The following CTNNA3 variants were observed in gnomAD, a reference collection of about 807,000 sequenced individuals.
The protein encoded by CTNNA3 is catenin alpha-3.
In CTNNA3, 76 loss-of-function variants were observed where a neutral mutation model predicts 95.7. The ratio of observed to expected loss-of-function variants is 0.79; its 90% CI spans 0.66 to 0.96. The LOEUF (loss-of-function observed/expected upper bound fraction) is 0.96, where lower values mean the gene tolerates loss of function less well. Ranked by LOEUF, CTNNA3 falls within the 40% of genes least tolerant of loss-of-function variation. The pLI is 0.00. For missense variants in CTNNA3, 1,191 were observed against 1,089.8 expected, an observed-to-expected ratio of 1.09 and a Z score of -1.31; for synonymous variants, 431 against 374.4, an observed-to-expected ratio of 1.15 and a Z score of -1.74.
intron 9 of CTNNA3, among the ~76,000 whole-genome samples, chr10:66,686,820 C>T (rs1264136438): frequency 6.6e-6 from 1 of 152,080 alleles, no homozygotes; most frequent in Admixed American, 6.6e-5. Context: ...TGAAAAAATA[C>T]CTGTATGAAG....
At chr10:66,908,218 T>A (rs1355856753) in intron 7 of CTNNA3, among the ~76,000 whole-genome samples, 1 of 152,196 alleles carries the variant, frequency 6.6e-6, no homozygotes, top group African/African-American at 2.4e-5. Context: ...GATCTTGTTA[T>A]GAGATGAAAA....
chr10:66,360,849 CTTTCTTTCCTTT>C (rs2092666877), intron 12 of CTNNA3, among the ~76,000 whole-genome samples: 1 of 112,410 alleles, frequency 8.9e-6, no homozygotes, highest in African/African-American at 3.6e-5. Context: ...TTCTTTCTTT[CTTTCTTTCCTTT>C]CTCTTTCTTT....
At chr10:66,791,190 C>A (rs1840951930) in intron 7 of CTNNA3, among the ~76,000 whole-genome samples, 1 of 152,144 alleles carries the variant, frequency 6.6e-6, no homozygotes, top group South Asian at 2.1e-4. Context: ...TTTAAAACTC[C>A]ATTTAAAACC....
intron 7 of CTNNA3, among the ~76,000 whole-genome samples, chr10:66,813,273 C>T (rs1841951177): frequency 6.6e-6 from 1 of 152,184 alleles, no homozygotes; most frequent in African/African-American, 2.4e-5. Flanking sequence ...ATCCTGTCAG[C>T]TGCGTCTTTG....
Position 67,115,915 on chromosome 10 carries a change from T to G in CTNNA3, c.1047+64402A>C, listed in dbSNP as rs574075514. On this transcript the variant is annotated intron_variant, in intron 7 of 17. Transcript: ENST00000433211. ...AGAAGTTTAGCAATTTGATCCTCTC[T>G]GCTTGCTCATTTATATTATTTCTTT... Among the ~76,000 whole-genome samples, 11 of 152,154 alleles carry G rather than the reference T, an allele frequency of 7.2e-5. No homozygotes were observed. In the South Asian group the frequency reaches 2.3e-3, roughly 31 times the overall value.
chr10:66,874,440 G>A (rs187440050), intron 7 of CTNNA3, among the ~76,000 whole-genome samples: 71 of 152,242 alleles, frequency 4.7e-4, no homozygotes, highest in Non-Finnish European at 8.1e-4. Flanking sequence ...AATAAAATAT[G>A]TGACAGTACC....
intron 9 of CTNNA3, among the ~76,000 whole-genome samples, chr10:66,738,201 T>A (rs565163939): frequency 6.6e-6 from 1 of 152,338 alleles, no homozygotes; most frequent in East Asian, 1.9e-4. Flanking sequence ...CCAAGGATTG[T>A]CAGCTATCTA....
intron 12 of CTNNA3, among the ~76,000 whole-genome samples, chr10:66,284,410 A>C (rs1589030362): frequency 6.6e-6 from 1 of 151,986 alleles, no homozygotes; most frequent in African/African-American, 2.4e-5. Context: ...AGCTCTCTGA[A>C]CCCTAAATCT....
chr10:67,342,709 A>G (rs577795158), intron 5 of CTNNA3, among the ~76,000 whole-genome samples: 86 of 152,074 alleles, frequency 5.7e-4, no homozygotes, highest in Non-Finnish European at 5.6e-4. Flanking sequence ...TTTTTCGCCA[A>G]TGTATGTTCT....
At chr10:66,668,940 T>C (rs1396711339) in intron 9 of CTNNA3, among the ~76,000 whole-genome samples, 2 of 152,190 alleles carry the variant, frequency 1.3e-5, no homozygotes, top group African/African-American at 2.4e-5. Context: ...AAAACTGGAT[T>C]ACCAAATTAT....
At chr10:67,439,452 C>A (rs770034650) in intron 5 of CTNNA3, among the ~76,000 whole-genome samples, 43 of 151,958 alleles carry the variant, frequency 2.8e-4, no homozygotes, top group African/African-American at 9.4e-4. Flanking sequence ...ATGGCCGGAG[C>A]AAGAGCAAGA....
intron 10 of CTNNA3, among the ~76,000 whole-genome samples, chr10:66,597,528 ATATATATATATATATATATATATATATT>A (rs1843755747): frequency 8.3e-6 from 1 of 120,850 alleles, no homozygotes; most frequent in African/African-American, 3.2e-5. Flanking sequence ...ATATATATAT[ATATATATATATATATATATATATATATT>A]TATTAAAAAT....
chr10:66,272,482 T>C (rs1029320444), intron 13 of CTNNA3, among the ~76,000 whole-genome samples: 1 of 152,074 alleles, frequency 6.6e-6, no homozygotes, highest in Non-Finnish European at 1.5e-5. Context: ...GAGAAAGTGT[T>C]CCCTGGGGTT....
intron 16 of CTNNA3, among the ~76,000 whole-genome samples, chr10:65,975,586 T>C (rs1033439978): frequency 6.6e-6 from 1 of 152,142 alleles, no homozygotes; most frequent in Non-Finnish European, 1.5e-5. Context: ...CCTAAAACGA[T>C]GAAAAACAAG....
intron 7 of CTNNA3, among the ~76,000 whole-genome samples, chr10:66,957,442 G>A (rs1215182878): frequency 9.4e-6 from 1 of 106,306 alleles, no homozygotes; most frequent in Admixed American, 1.1e-4. Flanking sequence ...ATATATATAT[G>A]CATATATATA....
intron 13 of CTNNA3, among the ~76,000 whole-genome samples, chr10:66,156,869 A>T (rs1471957222): frequency 6.6e-6 from 1 of 151,820 alleles, no homozygotes; most frequent in Non-Finnish European, 1.5e-5. Context: ...AGGGAGAGGG[A>T]TCATGTATAA....
intron 15 of CTNNA3, among the ~76,000 whole-genome samples, chr10:65,994,588 T>G (rs2133345110): frequency 6.6e-6 from 1 of 152,324 alleles, no homozygotes; most frequent in East Asian, 1.9e-4. Context: ...AAATCCTTTC[T>G]TTGTATTTGA....
chr10:66,597,566 T>C (rs1206625973), intron 10 of CTNNA3, among the ~76,000 whole-genome samples: 1 of 134,286 alleles, frequency 7.4e-6, no homozygotes, highest in South Asian at 2.4e-4. Flanking sequence ...TTATTAAAAA[T>C]TTTAAAAATA....
At chr10:66,717,465 T>C (rs568558306) in intron 9 of CTNNA3, among the ~76,000 whole-genome samples, 1 of 152,196 alleles carries the variant, frequency 6.6e-6, no homozygotes, top group Non-Finnish European at 1.5e-5. Flanking sequence ...TGGAAGTTCC[T>C]TGTGTGCAGA....
Sources: allele counts gnomAD v4.1 joint callset (sites outside exome capture counted in the v4.1 genomes callset), GRCh38; gene constraint gnomAD v4.1.1; transcripts MANE v1.5; gene names NCBI Gene and HGNC (gene_info 2026-07-23, HGNC 2026-07-21).